GNAL: variants seen among roughly 807,000 people sequenced by gnomAD.
The protein encoded by GNAL is guanine nucleotide-binding protein G(olf) subunit alpha.
Under a neutral mutation model 55.1 loss-of-function variants are expected in GNAL, and 18 were observed. The observed-to-expected ratio is 0.33, with a 90% CI of 0.23 to 0.48. GNAL has a LOEUF of 0.48. Ranked by LOEUF, GNAL falls within the 20% of genes least tolerant of loss-of-function variation. GNAL has a pLI of 0.99. For synonymous variants in GNAL, 253 were observed against 237.0 expected, an observed-to-expected ratio of 1.07 and a Z score of -0.62; for missense variants, 412 against 614.1, an observed-to-expected ratio of 0.67 and a Z score of 3.48.
chr18:11,881,738 A>G lies in GNAL; in HGVS notation c.*603A>G, dbSNP rs1480273108. Reference sequence around the variant, plus strand: ...AGGCAGAAAACCTACCACATTCACTACTGCAAAATGTGTCCTGTCTAAAAA... The same window carrying G: ...AGGCAGAAAACCTACCACATTCACTGCTGCAAAATGTGTCCTGTCTAAAAA... On this transcript the variant is annotated 3_prime_UTR_variant, in exon 12 of 12. Transcript: ENST00000334049. This position sits in a 1 kb window ranked among gnomAD's most constrained non-coding sequence, Gnocchi z 4.8. The G allele has an allele frequency of 6.6e-6, 1 of 152,630 alleles. No individual in the cohort carries two copies. The highest frequency in any genetic ancestry group is 1.5e-5 in the Non-Finnish European group (1 of 68,100). 9.5% of individuals were successfully genotyped at this position (152,630 alleles called of 1,614,324 possible).
intron 1 of GNAL, among the ~76,000 whole-genome samples, chr18:11,723,293 A>T (rs537067215): frequency 9.2e-5 from 14 of 152,350 alleles, no homozygotes; most frequent in Admixed American, 8.5e-4. Flanking sequence ...CTTTACAAAC[A>T]CATTTGAATT....
Position 11,764,118 on chromosome 18 carries a change from T to C in GNAL, c.624+10173T>C, listed in dbSNP as rs147805233. ...TATCCTGTTTTTTTGTTTTTTTGTT[T>C]TTTTGAGACAGAGTCTTGCTCTGTC... On this transcript the variant is annotated intron_variant, in intron 4 of 11. Coordinates refer to ENST00000334049, the MANE Select transcript of GNAL (RefSeq NM_182978.4). Among the ~76,000 whole-genome samples the C allele has an allele frequency of 3.3e-3, 508 of 152,152 alleles. 4 individuals carry two copies. The highest frequency in any genetic ancestry group is 0.011 in the African/African-American group (474 of 41,440).
chr18:11,833,687 G>A (rs1021904834), intron 5 of GNAL: 1 of 152,196 alleles, frequency 6.6e-6, no homozygotes, highest in Non-Finnish European at 1.5e-5. Flanking sequence ...AGGATGCCTG[G>A]AACAGGATGG....
At chr18:11,731,209 G>T (rs890164624) in intron 1 of GNAL, among the ~76,000 whole-genome samples, 1 of 152,216 alleles carries the variant, frequency 6.6e-6, no homozygotes, top group East Asian at 1.9e-4. Context: ...GTGCAGTGCT[G>T]TGATCTCAGC....
chr18:11,798,743 A>G (rs1015878261), intron 4 of GNAL, among the ~76,000 whole-genome samples: 1 of 152,204 alleles, frequency 6.6e-6, no homozygotes, highest in African/African-American at 2.4e-5. Flanking sequence ...TTGTTCAGCA[A>G]TATTTATATT....
chr18:11,701,376 A>C (rs2031564902), intron 1 of GNAL, among the ~76,000 whole-genome samples: 1 of 152,056 alleles, frequency 6.6e-6, no homozygotes, highest in Non-Finnish European at 1.5e-5. Context: ...GGATTGCTTG[A>C]GGTCATGAGT....
chr18:11,830,317 G>A (rs2035351952), intron 5 of GNAL, among the ~76,000 whole-genome samples: 1 of 82,978 alleles, frequency 1.2e-5, no homozygotes, highest in Non-Finnish European at 2.2e-5. Context: ...GCGGAGTTTC[G>A]CTCTTGTTGC....
At chr18:11,695,273 A>G (rs1454569444) in intron 1 of GNAL, among the ~76,000 whole-genome samples, 1 of 152,202 alleles carries the variant, frequency 6.6e-6, no homozygotes, top group African/African-American at 2.4e-5. Flanking sequence ...ATAAAATGTA[A>G]TCTACATGGC....
Position 11,847,347 on chromosome 18 carries a change from C to T in GNAL, c.723-15048C>T, listed in dbSNP as rs547084101. Among the ~76,000 whole-genome samples the T allele has an allele frequency of 3.3e-5, 5 of 151,044 alleles. No individual in the cohort carries two copies. In the East Asian group the frequency reaches 9.7e-4, roughly 29 times the overall value. On this transcript the variant is annotated intron_variant, in intron 5 of 11. Transcript: ENST00000334049. ...CACCAGAAACATACTGATGAGAATCCAGAAATAGTTTAACTCACAAGAGAA... is the reference window on the plus strand; with the variant it reads ...CACCAGAAACATACTGATGAGAATCTAGAAATAGTTTAACTCACAAGAGAA...
In GNAL at chr18:11,733,872, GAAA is replaced by G. The variant is rs10570693; in HGVS notation, c.377-18964_377-18962del. ...ACTTGTATCCCCTATGTCTATCACT[GAAA>G]AAAAAAAAAAAAAAAAGTCCAAGCC... is the stretch of plus-strand genomic sequence containing the variant. On this transcript the variant is annotated intron_variant, in intron 1 of 11. Coordinates refer to ENST00000334049, the MANE Select transcript of GNAL (RefSeq NM_182978.4). Among the ~76,000 whole-genome samples the G allele has an allele frequency of 1.0e-2, 986 of 98,716 alleles. 8 individuals are homozygous for G. Among genetic ancestry groups the G allele is most frequent in the African/African-American group, 0.031 (923 of 29,600 alleles). The allele number at this position is 98,716 out of a possible 152,430, so 64.8% of individuals were successfully genotyped here.
At chr18:11,699,709 C>G (rs1312170248) in intron 1 of GNAL, among the ~76,000 whole-genome samples, 1 of 152,178 alleles carries the variant, frequency 6.6e-6, no homozygotes, top group East Asian at 1.9e-4. Flanking sequence ...TAGGGATGGA[C>G]AGACAGCGCA....
In GNAL at chr18:11,788,712, A is replaced by G. The variant is rs964764028; in HGVS notation, c.624+34767A>G. Reference sequence around the variant, plus strand: ...CAGGCTGGTCAGAAGTTCAAGACCAACATGGTGAAACCCCGTCTCTACTAA... The same window carrying G: ...CAGGCTGGTCAGAAGTTCAAGACCAGCATGGTGAAACCCCGTCTCTACTAA... On this transcript the variant is annotated intron_variant, in intron 4 of 11. Transcript: ENST00000334049. Among the ~76,000 whole-genome samples the G allele has an allele frequency of 1.1e-4, 16 of 151,354 alleles. 2 individuals are homozygous for G. The highest frequency in any genetic ancestry group is 3.9e-4 in the African/African-American group (16 of 41,170).
At chr18:11,768,695 A>T (rs1483806124) in intron 4 of GNAL, among the ~76,000 whole-genome samples, 4 of 150,184 alleles carry the variant, frequency 2.7e-5, no homozygotes, top group Admixed American at 2.0e-4. Flanking sequence ...GAGATCAAGA[A>T]CATCCTGGCT....
intron 11 of GNAL, among the ~76,000 whole-genome samples, chr18:11,880,171 T>G (rs550460309): frequency 1.0e-4 from 15 of 149,202 alleles, no homozygotes; most frequent in African/African-American, 2.5e-4. Context: ...GCAGGAGAAT[T>G]GCTTGAACCC....
At chr18:11,869,053 C>G (rs946044320) in intron 9 of GNAL, among the ~76,000 whole-genome samples, 9 of 152,268 alleles carry the variant, frequency 5.9e-5, no homozygotes, top group East Asian at 5.8e-4. Flanking sequence ...CCCACACACT[C>G]TCTTTACTGA....
intron 1 of GNAL, among the ~76,000 whole-genome samples, chr18:11,743,078 T>G (rs1411603853): frequency 6.6e-6 from 1 of 152,188 alleles, no homozygotes; most frequent in Admixed American, 6.5e-5. Flanking sequence ...TTATGGTATA[T>G]CCCCACTTGA....
chr18:11,725,622 G>C lies in GNAL; in HGVS notation c.377-27231G>C, dbSNP rs9957755. 7.9e-3 allele frequency among the ~76,000 whole-genome samples: 1,197 copies of C among 152,254 alleles called. 18 individuals are homozygous for C. Among genetic ancestry groups the C allele is most frequent in the African/African-American group, 0.027 (1,114 of 41,530 alleles). On this transcript the variant is annotated intron_variant, in intron 1 of 11. Coordinates refer to ENST00000334049, the MANE Select transcript of GNAL (RefSeq NM_182978.4). ...TAAGGTGGCTCCATGTCTTTTCATG[G>C]TGTGATAGTTCATTTCTTTTCATCA...
chr18:11,723,008 T>C (rs2032131620), intron 1 of GNAL, among the ~76,000 whole-genome samples: 1 of 55,930 alleles, frequency 1.8e-5, no homozygotes, highest in Non-Finnish European at 3.7e-5. Context: ...CGAAACTTCA[T>C]CTCAAAAAAA....
Position 11,715,385 on chromosome 18 carries a change from C to T in GNAL, c.376+25446C>T, listed in dbSNP as rs1167271997. On this transcript the variant is annotated intron_variant, in intron 1 of 11. Transcript: ENST00000334049. The stretch of plus-strand genomic sequence containing the variant: ...CTGAGGCAGGAGAATGGCATGAACC[C>T]GGGAGGCAGAGCTTGCAGTGAGCCG... 1.2e-4 allele frequency among the ~76,000 whole-genome samples: 17 copies of T among 147,708 alleles called. No homozygotes were observed. In the East Asian group the frequency reaches 2.2e-3, roughly 19 times the overall value.
Sources: gnomAD v4.1 joint callset for allele counts (sites outside exome capture counted in the v4.1 genomes callset) on GRCh38, gnomAD v4.1.1 for gene constraint, Gnocchi (gnomAD v3.1) non-coding constraint, MANE v1.5 for transcripts, NCBI Gene and HGNC (gene_info 2026-07-23, HGNC 2026-07-21) for gene names.